The following FHIT variants were observed in gnomAD, a reference collection of about 807,000 sequenced individuals.
FHIT encodes fragile histidine triad diadenosine triphosphatase.
A neutral mutation model predicts 17.9 loss-of-function variants in FHIT; 19 were observed. The observed-to-expected ratio is 1.06, with a 90% CI of 0.74 to 1.56. The LOEUF (loss-of-function observed/expected upper bound fraction) is 1.56. Ranked by LOEUF, FHIT falls within the 40% of genes most tolerant of loss-of-function variation. The probability of loss-of-function intolerance (pLI) is 0.00; values close to 1 mark genes in which losing one functional copy is unlikely to be tolerated. For missense variants in FHIT, 248 were observed against 189.2 expected (o/e 1.31, Z -1.82); for synonymous variants, 81 against 69.7 (o/e 1.16, Z -0.81).
At chr3:60,219,345 T>C (rs1214445758) in intron 5 of FHIT, among the ~76,000 whole-genome samples, 1 of 152,114 alleles carries the variant, frequency 6.6e-6, no homozygotes. Flanking sequence ...TTGTTCAATA[T>C]CTATTTCATC....
intron 5 of FHIT, among the ~76,000 whole-genome samples, chr3:60,334,645 G>T (rs961432769): frequency 2.0e-5 from 3 of 152,166 alleles, no homozygotes; most frequent in African/African-American, 7.2e-5. Flanking sequence ...ATATTAGCCA[G>T]GTGGGGTTGT....
At chr3:60,479,655 G>A (rs1482006777) in intron 5 of FHIT, among the ~76,000 whole-genome samples, 1 of 152,182 alleles carries the variant, frequency 6.6e-6, no homozygotes, top group Non-Finnish European at 1.5e-5. Context: ...TACAGTGGGA[G>A]GTGAGCAGTG....
intron 3 of FHIT, among the ~76,000 whole-genome samples, chr3:60,855,188 T>A (rs1437733033): frequency 6.6e-6 from 1 of 152,168 alleles, no homozygotes; most frequent in African/African-American, 2.4e-5. Flanking sequence ...GGGCAGCATG[T>A]GCTTAGCCTT....
Position 60,429,953 on chromosome 3 carries a change from C to T in FHIT, c.103+106907G>A, listed in dbSNP as rs866900736. Among the ~76,000 whole-genome samples the T allele has an allele frequency of 2.0e-5, 3 of 151,836 alleles. No individual in the cohort carries two copies. In the South Asian group the frequency reaches 6.2e-4, roughly 32 times the overall value. ...CACTGTTGGACTTGGTCATGTGACT[C>T]GCATGAAAAGGCAACAGAAGACCAT... On this transcript the variant is annotated intron_variant, in intron 5 of 9. Transcript: ENST00000492590.
intron 4 of FHIT, among the ~76,000 whole-genome samples, chr3:60,561,352 C>G (rs935177424): frequency 5.3e-5 from 8 of 152,108 alleles, no homozygotes; most frequent in Non-Finnish European, 8.8e-5. Context: ...CAACAAATTT[C>G]AGGTCATTTC....
At chr3:60,484,562 A>C (rs2033755109) in intron 5 of FHIT, among the ~76,000 whole-genome samples, 1 of 152,194 alleles carries the variant, frequency 6.6e-6, no homozygotes, top group Non-Finnish European at 1.5e-5. Flanking sequence ...AAAAACAAGC[A>C]ATGGGGAAAG....
intron 8 of FHIT, among the ~76,000 whole-genome samples, chr3:59,760,559 CAAAAAAA>C (rs35692822): frequency 0.04 from 5,420 of 135,278 alleles, 97 homozygotes; most frequent in Middle Eastern, 0.067. Flanking sequence ...CCCATGCCAT[CAAAAAAA>C]AAAAAAAAAT....
chr3:59,950,715 T>C (rs968535035), intron 7 of FHIT, among the ~76,000 whole-genome samples: 4 of 152,222 alleles, frequency 2.6e-5, no homozygotes, highest in Admixed American at 2.6e-4. Context: ...GAGGGAAATG[T>C]ACATTATGTT....
intron 5 of FHIT, among the ~76,000 whole-genome samples, chr3:60,292,845 G>A (rs1241299733): frequency 8.0e-6 from 1 of 125,644 alleles, no homozygotes; most frequent in Admixed American, 8.9e-5. Context: ...TGTTTTATTG[G>A]CTTTATTTCA....
intron 5 of FHIT, among the ~76,000 whole-genome samples, chr3:60,267,982 C>T (rs773503006): frequency 6.6e-6 from 1 of 152,158 alleles, no homozygotes; most frequent in Non-Finnish European, 1.5e-5. Flanking sequence ...CTAAAAATGA[C>T]TTCGTGCAAT....
chr3:60,822,899 A>G (rs782250486), intron 3 of FHIT, among the ~76,000 whole-genome samples: 1 of 152,058 alleles, frequency 6.6e-6, no homozygotes, highest in Admixed American at 6.5e-5. Context: ...TCTGACCTCT[A>G]CCTCTGGGTT....
At chr3:60,611,107 G>A (rs1269003502) in intron 4 of FHIT, among the ~76,000 whole-genome samples, 2 of 152,164 alleles carry the variant, frequency 1.3e-5, no homozygotes, top group Non-Finnish European at 2.9e-5. Flanking sequence ...ATTTAGCCCA[G>A]TAATTGTGGC....
intron 2 of FHIT, among the ~76,000 whole-genome samples, chr3:61,105,129 G>A (rs1213065356): frequency 6.6e-6 from 1 of 152,154 alleles, no homozygotes; most frequent in African/African-American, 2.4e-5. Context: ...ATTGTCTGGA[G>A]AAAAGAAGGC....
At position 60,138,069 on chromosome 3, in the gene FHIT, A is replaced by C. The variant is rs141155945; in HGVS notation, c.104-123917T>G. Among the ~76,000 whole-genome samples the C allele has an allele frequency of 3.3e-5, 5 of 152,298 alleles. No individual in the cohort carries two copies. The East Asian group carries it at 7.7e-4, about 24-fold the overall frequency. Reference sequence around the variant, plus strand: ...AAATATCCATTTTAAAGATGAGAAGACTGAAGTTTACTTCACAATCTTAGT... The same window carrying C: ...AAATATCCATTTTAAAGATGAGAAGCCTGAAGTTTACTTCACAATCTTAGT... On this transcript the variant is annotated intron_variant, in intron 5 of 9. Transcript: ENST00000492590.
At chr3:60,824,109 G>A (rs1347040900) in intron 3 of FHIT, among the ~76,000 whole-genome samples, 1 of 152,124 alleles carries the variant, frequency 6.6e-6, no homozygotes, top group Non-Finnish European at 1.5e-5. Flanking sequence ...GAGCAGAGGT[G>A]AACCAAGATC....
intron 5 of FHIT, among the ~76,000 whole-genome samples, chr3:60,146,124 A>C (rs974134971): frequency 1.3e-5 from 2 of 152,110 alleles, no homozygotes; most frequent in Non-Finnish European, 2.9e-5. Flanking sequence ...TGGCAAACCA[A>C]AGTCAAACTG....
chr3:61,104,610 G>A (rs1197322224), intron 2 of FHIT, among the ~76,000 whole-genome samples: 1 of 152,034 alleles, frequency 6.6e-6, no homozygotes, highest in East Asian at 1.9e-4. Flanking sequence ...TTCAATGTTG[G>A]CCTGTCTAGC....
chr3:59,882,869 T>C (rs929931168), intron 8 of FHIT, among the ~76,000 whole-genome samples: 2 of 152,172 alleles, frequency 1.3e-5, no homozygotes, highest in African/African-American at 4.8e-5. Context: ...TGATCTACAG[T>C]TTCTTAAGCT....
chr3:61,030,235 G>T (rs9990336), intron 3 of FHIT, among the ~76,000 whole-genome samples: 2,420 of 152,252 alleles, frequency 0.016, 68 homozygotes, highest in African/African-American at 0.055. Flanking sequence ...CTCCCAAATT[G>T]CTGGGATTAC....
Sources: allele counts gnomAD v4.1 joint callset (sites outside exome capture counted in the v4.1 genomes callset), GRCh38; gene constraint gnomAD v4.1.1; transcripts MANE v1.5; gene names NCBI Gene and HGNC (gene_info 2026-07-23, HGNC 2026-07-21).